Variants in USP15 observed in about 807,000 individuals in gnomAD.
USP15 encodes the protein ubiquitin carboxyl-terminal hydrolase 15.
A neutral mutation model predicts 127.1 loss-of-function variants in USP15; 18 were observed. That is an observed-to-expected ratio of 0.14 (90% CI 0.10 to 0.21). The LOEUF is 0.21. Ranked by LOEUF, USP15 falls within the 10% of genes least tolerant of loss-of-function variation. USP15 has a pLI of 1.00. For missense variants in USP15, 805 were observed against 1,159.9 expected (o/e 0.69, Z 4.44); for synonymous variants, 364 against 393.7 (o/e 0.92, Z 0.89).
intron 2 of USP15, among the ~76,000 whole-genome samples, chr12:62,295,951 TG>T (rs2064116275): frequency 6.6e-6 from 1 of 152,250 alleles, no homozygotes; most frequent in African/African-American, 2.4e-5. Flanking sequence ...GAGACTATCC[TG>T]GTGAACGTAA....
intron 1 of USP15, among the ~76,000 whole-genome samples, chr12:62,277,216 A>G (rs2063518989): frequency 6.6e-6 from 1 of 152,210 alleles, no homozygotes; most frequent in South Asian, 2.1e-4. Context: ...ACAAGCAGAC[A>G]ATCTTTTTTA....
In USP15 at chr12:62,413,168, A is replaced by G. The variant is rs189228454; in HGVS notation, c.*8793A>G. On this transcript the variant is annotated 3_prime_UTR_variant, in exon 22 of 22. Transcript: ENST00000280377. ...TGAAAGGAATCTTTTTCTGAGCAAT[A>G]GATCTCCGCAGTGGGCTTAAAATAT... 1.3e-5 allele frequency: 2 copies of G among 152,342 alleles called. No homozygotes were observed. Among genetic ancestry groups the G allele is most frequent in the Non-Finnish European group, 2.9e-5 (2 of 68,042 alleles). The allele number at this position is 152,342 out of a possible 1,614,324, so 9.4% of individuals were successfully genotyped here. A position where few individuals can be genotyped will look rare whatever the true frequency, so the allele number is the denominator to read the frequency against.
intron 19 of USP15, 138 bp downstream of exon 19, chr12:62,393,340 C>T: frequency 1.1e-6 from 1 of 934,626 alleles, no homozygotes; most frequent in Non-Finnish European, 1.5e-6. Flanking sequence ...TTGAGTAGTT[C>T]TAACAGTTTA....
At chr12:62,292,645 T>G (rs1268334285) in intron 1 of USP15, among the ~76,000 whole-genome samples, 1 of 152,178 alleles carries the variant, frequency 6.6e-6, no homozygotes, top group Non-Finnish European at 1.5e-5. Flanking sequence ...TACAGGACCT[T>G]ACTCCTCACT....
chr12:62,285,087 T>C (rs1416003497), intron 1 of USP15, among the ~76,000 whole-genome samples: 8 of 152,194 alleles, frequency 5.3e-5, no homozygotes, highest in Non-Finnish European at 1.0e-4. Context: ...ATTAAGGTTT[T>C]AAGAGTTGAT....
intron 1 of USP15, among the ~76,000 whole-genome samples, chr12:62,268,529 A>G (rs1420605628): frequency 1.3e-5 from 2 of 152,100 alleles, no homozygotes; most frequent in South Asian, 2.1e-4. Context: ...CTCTGTTTTG[A>G]TACAGATAGT....
chr12:62,261,018 G>T (rs564588205), intron 1 of USP15, among the ~76,000 whole-genome samples: 1 of 152,232 alleles, frequency 6.6e-6, no homozygotes, highest in Admixed American at 6.5e-5. Flanking sequence ...TACACAGGTG[G>T]CATGTCAGGG....
At chr12:62,292,153 G>GT (rs1331170536) in intron 1 of USP15, among the ~76,000 whole-genome samples, 1 of 147,320 alleles carries the variant, frequency 6.8e-6, no homozygotes. Flanking sequence ...GGATGGGGGG[G>GT]TGTGGGCCAG....
intron 1 of USP15, among the ~76,000 whole-genome samples, chr12:62,265,297 C>T (rs1473572579): frequency 6.6e-6 from 1 of 152,166 alleles, no homozygotes; most frequent in Non-Finnish European, 1.5e-5. Flanking sequence ...ATCAGTTTGT[C>T]AGGCCATGAC....
At chr12:62,302,664 G>A in intron 2 of USP15, 126 bp from the exon 3 acceptor site, 1 of 980,512 alleles carries the variant, frequency 1.0e-6, no homozygotes, top group Non-Finnish European at 1.4e-6. Context: ...TGATGTAAGG[G>A]AGCTGAATTG....
At chr12:62,353,397 C>T (rs1032520636) in intron 7 of USP15, among the ~76,000 whole-genome samples, 1 of 151,954 alleles carries the variant, frequency 6.6e-6, no homozygotes, top group African/African-American at 2.4e-5. Flanking sequence ...CTTTGTGTTA[C>T]ACGTGGGGAG....
rs746409531 is a variant in USP15 at position 62,355,329 on chromosome 12, A to G, written c.771-2A>G. The G allele has an allele frequency of 6.3e-7, 1 of 1,581,780 alleles. No homozygotes were observed. Among genetic ancestry groups the G allele is most frequent in the Non-Finnish European group, 8.6e-7 (1 of 1,167,826 alleles). On this transcript the variant is annotated splice_acceptor_variant, in intron 7 of 21. Coordinates refer to ENST00000280377, the MANE Select transcript of USP15 (RefSeq NM_001252078.2). LOFTEE classifies it high-confidence loss of function. ...GCATTATGAAAATTTTTTTTCTTCCAGTGTGAAAAACTCAAATTACTGTCT... is the reference window on the plus strand; with the variant it reads ...GCATTATGAAAATTTTTTTTCTTCCGGTGTGAAAAACTCAAATTACTGTCT...
intron 11 of USP15, among the ~76,000 whole-genome samples, chr12:62,385,261 T>A (rs564515234): frequency 7.2e-5 from 11 of 151,922 alleles, no homozygotes; most frequent in Non-Finnish European, 1.3e-4. Context: ...AAAAAAGATA[T>A]GATTCCTGCT....
At chr12:62,270,426 AGGCTT>A (rs2063321492) in intron 1 of USP15, among the ~76,000 whole-genome samples, 1 of 152,054 alleles carries the variant, frequency 6.6e-6, no homozygotes, top group South Asian at 2.1e-4. Flanking sequence ...ATGTCTAAGA[AGGCTT>A]GGCTTAACTC....
Position 62,374,334 on chromosome 12 carries a change from A to T in USP15, c.916-7156A>T, listed in dbSNP as rs575619871. ...TTTGATTAGTTATAGAATGAGTTAC[A>T]CAACTCAAAAGCTTTAGGTAATCAA... On this transcript the variant is annotated intron_variant, in intron 8 of 21. Transcript: ENST00000280377. 3.1e-6 allele frequency: 3 copies of T among 964,376 alleles called. No homozygotes were observed. In the South Asian group the frequency reaches 1.4e-4, roughly 46 times the overall value. The allele number at this position is 964,376 out of a possible 1,614,324, so 59.7% of individuals were successfully genotyped here.
chr12:62,364,294 A>G (rs1473971376), intron 8 of USP15, among the ~76,000 whole-genome samples: 1 of 152,186 alleles, frequency 6.6e-6, no homozygotes, highest in Non-Finnish European at 1.5e-5. Flanking sequence ...ATCATTAGCT[A>G]AGAATGAAAG....
At chr12:62,352,919 A>G (rs78778240) in intron 7 of USP15, among the ~76,000 whole-genome samples, 5,707 of 152,036 alleles carry the variant, frequency 0.038, 146 homozygotes, top group Middle Eastern at 0.051. Flanking sequence ...TCCCATTACT[A>G]TTACTGTAAA....
intron 6 of USP15, among the ~76,000 whole-genome samples, chr12:62,343,273 C>T (rs1032977283): frequency 2.6e-5 from 4 of 152,244 alleles, no homozygotes; most frequent in South Asian, 2.1e-4. Context: ...TAAACAAGCT[C>T]GATCGTCCCA....
At chr12:62,344,016 C>T (rs2065733744) in intron 6 of USP15, among the ~76,000 whole-genome samples, 1 of 152,098 alleles carries the variant, frequency 6.6e-6, no homozygotes, top group African/African-American at 2.4e-5. Flanking sequence ...TGGGTGGGGA[C>T]ACAGAGCCAA....
Sources: allele counts gnomAD v4.1 joint callset (sites outside exome capture counted in the v4.1 genomes callset), GRCh38; gene constraint gnomAD v4.1.1; transcripts MANE v1.5; gene names NCBI Gene and HGNC (gene_info 2026-07-23, HGNC 2026-07-21).